The following CIROZ variants were observed in gnomAD, a reference collection of about 807,000 sequenced individuals.
The protein encoded by CIROZ is ciliated left-right organizer ZP-N domains-containing protein.
chr1:10,971,555 C>T, the CIROZ span, among the ~76,000 whole-genome samples: 1 of 152,154 alleles, frequency 6.6e-6, no homozygotes, highest in Non-Finnish European at 1.5e-5. Flanking sequence ...TCTTCTTCAT[C>T]TGCAGGTCTC....
chr1:10,953,393 G>A, the CIROZ span, among the ~76,000 whole-genome samples: 2 of 152,218 alleles, frequency 1.3e-5, no homozygotes, highest in African/African-American at 4.8e-5. Flanking sequence ...TGAATACCAG[G>A]TTGTCCATTA....
chr1:10,959,312 A>C, the CIROZ span, among the ~76,000 whole-genome samples: 62 of 152,128 alleles, frequency 4.1e-4, no homozygotes, highest in African/African-American at 1.5e-3. This position sits in a 1 kb window ranked among gnomAD's most constrained non-coding sequence, Gnocchi z 4.3. Flanking sequence ...AGACAGGCCC[A>C]GGCAAACCGA....
the CIROZ span, chr1:10,970,188 G>T: frequency 9.2e-7 from 1 of 1,089,518 alleles, no homozygotes; most frequent in East Asian, 2.7e-5. Flanking sequence ...AAAAGAAGGA[G>T]CTCCTCTCAG....
At chr1:10,947,969 G>A in the CIROZ span, 3 of 1,613,576 alleles carry the variant, frequency 1.9e-6, no homozygotes, top group African/African-American at 2.7e-5. Flanking sequence ...CCACAGATGA[G>A]GCTTCGGGTG....
At chr1:10,970,497 C>T in the CIROZ span, among the ~76,000 whole-genome samples, 4 of 152,004 alleles carry the variant, frequency 2.6e-5, no homozygotes, top group East Asian at 3.9e-4. Flanking sequence ...GGCGTGGTGG[C>T]GCATGCCTGT....
the CIROZ span, among the ~76,000 whole-genome samples, chr1:10,963,480 C>T: frequency 1.6e-4 from 24 of 152,260 alleles, no homozygotes; most frequent in Admixed American, 5.9e-4. Context: ...CAGTCCAGCA[C>T]GCTCATTTCT....
the CIROZ span, among the ~76,000 whole-genome samples, chr1:10,960,999 G>T: frequency 6.6e-6 from 1 of 151,802 alleles, no homozygotes; most frequent in Non-Finnish European, 1.5e-5. This position sits in a 1 kb window ranked among gnomAD's most constrained non-coding sequence, Gnocchi z 4.6. Context: ...CGGATGCAGA[G>T]CCCCCCCCAC....
At chr1:10,959,037 A>T in the CIROZ span, among the ~76,000 whole-genome samples, 1 of 152,202 alleles carries the variant, frequency 6.6e-6, no homozygotes, top group Non-Finnish European at 1.5e-5. The surrounding 1 kb of genome is among the most constrained non-coding windows in gnomAD (Gnocchi z 4.3). Context: ...GCGGGTGTGC[A>T]TGGGACCAAC....
At chr1:10,969,156 T>C in the CIROZ span, among the ~76,000 whole-genome samples, 1 of 152,094 alleles carries the variant, frequency 6.6e-6, no homozygotes, top group East Asian at 1.9e-4. Context: ...GAGGTTTTCC[T>C]AGACTTGGGT....
the CIROZ span, chr1:10,949,485 T>G: frequency 1.0e-6 from 1 of 982,710 alleles, no homozygotes; most frequent in Non-Finnish European, 1.5e-6. Context: ...GTAACATGGT[T>G]GGGGATCAGA....
chr1:10,970,687 A>G, the CIROZ span, among the ~76,000 whole-genome samples: 1 of 152,112 alleles, frequency 6.6e-6, no homozygotes, highest in Non-Finnish European at 1.5e-5. Flanking sequence ...ATACAGATTC[A>G]GTAGGTCTAA....
chr1:10,951,745 A>AAAAAAAATATATATAT, the CIROZ span, among the ~76,000 whole-genome samples: 2 of 119,204 alleles, frequency 1.7e-5, no homozygotes, highest in African/African-American at 7.1e-5. Flanking sequence ...AAAAAAAAAA[A>AAAAAAAATATATATAT]ATATATATAT....
chr1:10,964,256 G>T, the CIROZ span: 1 of 1,612,724 alleles, frequency 6.2e-7, no homozygotes, highest in Non-Finnish European at 8.5e-7. Context: ...CTGATTTCCA[G>T]CCTGTAATTT....
the CIROZ span, among the ~76,000 whole-genome samples, chr1:10,976,816 C>T: frequency 3.3e-5 from 5 of 151,966 alleles, no homozygotes; most frequent in African/African-American, 1.2e-4. Context: ...CTGAGAGGAC[C>T]TCTGATGGGG....
the CIROZ span, chr1:10,966,266 G>A: frequency 7.3e-7 from 1 of 1,373,522 alleles, no homozygotes; most frequent in South Asian, 1.6e-5. Flanking sequence ...GAGGAATAAT[G>A]GTGCAGTGTC....
At chr1:10,967,629 CT>C in the CIROZ span, among the ~76,000 whole-genome samples, 10 of 152,140 alleles carry the variant, frequency 6.6e-5, no homozygotes, top group Non-Finnish European at 1.3e-4. Context: ...ATTGCTGCAT[CT>C]TTAGTGCCTC....
At chr1:10,970,279 G>A in the CIROZ span, among the ~76,000 whole-genome samples, 1 of 152,108 alleles carries the variant, frequency 6.6e-6, no homozygotes, top group African/African-American at 2.4e-5. Context: ...TCCATACAGA[G>A]GTCACAGTTC....
the CIROZ span, among the ~76,000 whole-genome samples, chr1:10,977,905 C>T: frequency 2.6e-5 from 4 of 152,098 alleles, no homozygotes; most frequent in African/African-American, 9.7e-5. Context: ...CGCTGTGGTT[C>T]ACGCCTGTAA....
the CIROZ span, chr1:10,947,734 T>C: frequency 1.3e-5 from 20 of 1,573,674 alleles, no homozygotes; most frequent in East Asian, 4.1e-4. Flanking sequence ...CTTTCAGCAC[T>C]GAGGGCCAAG....
Sources: gnomAD v4.1 joint callset for allele counts (sites outside exome capture counted in the v4.1 genomes callset) on GRCh38, gnomAD v4.1.1 for gene constraint, Gnocchi (gnomAD v3.1) non-coding constraint, MANE v1.5 for transcripts, NCBI Gene and HGNC (gene_info 2026-07-23, HGNC 2026-07-21) for gene names.